Variants in JAZF1 observed in about 807,000 individuals in gnomAD.
JAZF1 encodes juxtaposed with another zinc finger protein 1.
JAZF1 carries 8 observed loss-of-function variants against 26.4 expected under a neutral mutation model. The observed-to-expected ratio is 0.30, with a 90% CI of 0.18 to 0.55. The LOEUF is 0.55. Ranked by LOEUF, JAZF1 falls within the 20% of genes least tolerant of loss-of-function variation. JAZF1 has a pLI of 0.94. For missense variants in JAZF1, 199 were observed against 322.0 expected, an observed-to-expected ratio of 0.62 and a Z score of 2.92; for synonymous variants, 126 against 122.3, an observed-to-expected ratio of 1.03 and a Z score of -0.20.
chr7:27,913,284 T>G lies in JAZF1; in HGVS notation c.189-17868A>C, dbSNP rs1220829703. The G allele has an allele frequency of 6.6e-5, 15 of 226,246 alleles. No homozygotes were observed. The South Asian group carries it at 9.1e-4, about 14-fold the overall frequency. The allele number at this position is 226,246 out of a possible 1,614,324, so 14.0% of individuals were successfully genotyped here. On this transcript the variant is annotated intron_variant, in intron 2 of 4. Transcript: ENST00000283928. The stretch of plus-strand genomic sequence containing the variant: ...TATATATGTATTTATATATATTATA[T>G]ATATATATTTGTGTGTGTGTGTGTA...
At chr7:27,914,030 G>T (rs1166612672) in intron 2 of JAZF1, among the ~76,000 whole-genome samples, 1 of 152,180 alleles carries the variant, frequency 6.6e-6, no homozygotes, top group Non-Finnish European at 1.5e-5. Flanking sequence ...CAGTAAAATC[G>T]AATGAATAAG....
intron 2 of JAZF1, among the ~76,000 whole-genome samples, chr7:27,937,327 T>C (rs1216929130): frequency 6.6e-6 from 1 of 152,208 alleles, no homozygotes; most frequent in African/African-American, 2.4e-5. Context: ...TGCACATTCT[T>C]TACCCTAGCT....
At chr7:28,115,918 T>A (rs1232776003) in intron 1 of JAZF1, among the ~76,000 whole-genome samples, 1 of 151,962 alleles carries the variant, frequency 6.6e-6, no homozygotes, top group Non-Finnish European at 1.5e-5. Flanking sequence ...TTTGGTGGGG[T>A]TTTTTTTCCA....
At chr7:28,041,178 A>G (rs146975576) in intron 1 of JAZF1, among the ~76,000 whole-genome samples, 2 of 152,298 alleles carry the variant, frequency 1.3e-5, no homozygotes, top group East Asian at 3.9e-4. Flanking sequence ...TCACAACACA[A>G]ATAACTATTG....
Sources: allele counts gnomAD v4.1 joint callset (sites outside exome capture counted in the v4.1 genomes callset), GRCh38; gene constraint gnomAD v4.1.1; transcripts MANE v1.5; gene names NCBI Gene and HGNC (gene_info 2026-07-23, HGNC 2026-07-21).